The following MEAF6 variants were observed in gnomAD, a reference collection of about 807,000 sequenced individuals.
The protein encoded by MEAF6 is MYST/Esa1 associated factor 6.
A neutral mutation model predicts 28.9 loss-of-function variants in MEAF6; 15 were observed. That is an observed-to-expected ratio of 0.52 (90% CI 0.35 to 0.80). The LOEUF (loss-of-function observed/expected upper bound fraction) is 0.80, where lower values mean the gene tolerates loss of function less well. Among genes scored for constraint, MEAF6 ranks in the 30% least tolerant of loss-of-function variants. The pLI is 0.01. For synonymous variants in MEAF6, 97 were observed against 88.7 expected (o/e 1.09, Z -0.53); for missense variants, 178 against 237.5 (o/e 0.75, Z 1.65).
chr1:37,513,675 T>C (rs1642738431), intron 1 of MEAF6, 137 bp from the exon 2 acceptor site: 1 of 706,164 alleles, frequency 1.4e-6, no homozygotes, highest in Non-Finnish European at 2.5e-6. Flanking sequence ...AGATGGAAGA[T>C]ACGGGGAGGA....
At chr1:37,513,602 A>G (rs544931013) in intron 1 of MEAF6, 64 bp from the exon 2 acceptor site, 6 of 1,285,770 alleles carry the variant, frequency 4.7e-6, no homozygotes, top group Middle Eastern at 1.9e-4. Context: ...AGTCTGGCCA[A>G]AATGAAATCC....
chr1:37,509,236 C>A, intron 4 of MEAF6, 42 bp downstream of exon 4: 1 of 1,569,584 alleles, frequency 6.4e-7, no homozygotes, highest in South Asian at 1.1e-5. Flanking sequence ...GTGATGGTAG[C>A]TTAAAAATAA....
intron 1 of MEAF6, 86 bp from the exon 2 acceptor site, chr1:37,513,624 T>A: frequency 9.2e-7 from 1 of 1,088,314 alleles, no homozygotes; most frequent in Non-Finnish European, 1.4e-6. Flanking sequence ...GATATTAGAC[T>A]CGTAAACGCA....
At chr1:37,495,851 C>G (rs778415355) in intron 6 of MEAF6, 34 bp downstream of exon 6, 1 of 1,611,876 alleles carries the variant, frequency 6.2e-7, no homozygotes, top group East Asian at 2.2e-5. Flanking sequence ...TACAAAATTG[C>G]CAGCCTCTCT....
chr1:37,509,141 C>T, intron 4 of MEAF6, 137 bp downstream of exon 4: 1 of 834,978 alleles, frequency 1.2e-6, no homozygotes, highest in Non-Finnish European at 1.9e-6. Context: ...CTAAAAGTTT[C>T]AAAACTTCCA....
intron 6 of MEAF6, among the ~76,000 whole-genome samples, chr1:37,494,935 A>G (rs1642065850): frequency 6.6e-6 from 1 of 152,138 alleles, no homozygotes; most frequent in Admixed American, 6.6e-5. Context: ...GGATTGAAAC[A>G]TCAATTTTGC....
In MEAF6 at chr1:37,493,652, A is replaced by G. The variant is rs879650934; in HGVS notation, c.*447T>C. 1.9e-4 allele frequency: 165 copies of G among 887,394 alleles called. 3 individuals are homozygous for G. The highest frequency in any genetic ancestry group is 4.4e-4 in the Middle Eastern group (2 of 4,510). The allele number at this position is 887,394 out of a possible 1,614,324, so 55.0% of individuals were successfully genotyped here. On this transcript the variant is annotated 3_prime_UTR_variant, in exon 7 of 7. Coordinates refer to ENST00000296214, the MANE Select transcript of MEAF6 (RefSeq NM_001270875.3). ...ATAAGATAAAAACAACAAGAGAAAA[A>G]CAAGAAAACATAAAACAATATAAGA...
chr1:37,502,392 T>C (rs930585184), intron 4 of MEAF6, among the ~76,000 whole-genome samples: 1 of 152,026 alleles, frequency 6.6e-6, no homozygotes, highest in African/African-American at 2.4e-5. Context: ...CTTAAAAATA[T>C]ATATGTTTAC....
chr1:37,491,005 C>T lies in MEAF6; in HGVS notation c.*3094G>A, dbSNP rs12118749. Among the ~76,000 whole-genome samples the T allele has an allele frequency of 1.3e-5, 2 of 151,942 alleles. No homozygotes were observed. Among genetic ancestry groups the T allele is most frequent in the East Asian group, 1.9e-4 (1 of 5,158 alleles). ...TTGTGCCACTGCACTCCAGCCTGGA[C>T]GACAGAGCAAGACTCTGTCTCAAAA... On this transcript the variant is annotated 3_prime_UTR_variant, in exon 7 of 7. Transcript: ENST00000296214.
At chr1:37,510,238 C>G (rs1319541048) in intron 2 of MEAF6, among the ~76,000 whole-genome samples, 2 of 151,618 alleles carry the variant, frequency 1.3e-5, no homozygotes, top group African/African-American at 4.8e-5. Flanking sequence ...CCACCACACC[C>G]AGCTAATTCT....
Position 37,491,164 on chromosome 1 carries a change from T to C in MEAF6, c.*2935A>G, listed in dbSNP as rs1445688378. Among the ~76,000 whole-genome samples the C allele has an allele frequency of 1.3e-5, 2 of 152,230 alleles. No individual in the cohort carries two copies. The highest frequency in any genetic ancestry group is 2.9e-5 in the Non-Finnish European group (2 of 68,040). ...TTAACTTTCAAGCTTAGACTATTTA[T>C]CGCTCATTTTAATTATCTTCTTTAC... On this transcript the variant is annotated 3_prime_UTR_variant, in exon 7 of 7. Coordinates refer to ENST00000296214, the MANE Select transcript of MEAF6 (RefSeq NM_001270875.3).
chr1:37,498,107 G>A (rs1334625901), intron 5 of MEAF6, among the ~76,000 whole-genome samples: 1 of 152,156 alleles, frequency 6.6e-6, no homozygotes, highest in Non-Finnish European at 1.5e-5. Context: ...ATAAGCAAAT[G>A]GCTACATTTA....
chr1:37,504,074 T>C (rs1642399975), intron 4 of MEAF6, among the ~76,000 whole-genome samples: 1 of 152,192 alleles, frequency 6.6e-6, no homozygotes, highest in Admixed American at 6.5e-5. Flanking sequence ...GACTGGATCA[T>C]GGGGGTGGTT....
At chr1:37,503,126 G>A (rs1642368919) in intron 4 of MEAF6, among the ~76,000 whole-genome samples, 1 of 151,546 alleles carries the variant, frequency 6.6e-6, no homozygotes, top group East Asian at 1.9e-4. Flanking sequence ...TTTTAAAGAT[G>A]GGGTCTTACT....
chr1:37,503,524 C>T (rs965597374), intron 4 of MEAF6, among the ~76,000 whole-genome samples: 1 of 151,950 alleles, frequency 6.6e-6, no homozygotes, highest in Non-Finnish European at 1.5e-5. Context: ...GACATGGTGG[C>T]ACATGCCTGG....
chr1:37,496,504 G>T, intron 5 of MEAF6: 1 of 1,044,084 alleles, frequency 9.6e-7, no homozygotes, highest in Non-Finnish European at 1.3e-6. Flanking sequence ...GCATAAAAGT[G>T]AAGTTTACTT....
chr1:37,498,253 T>C (rs1642183613), intron 5 of MEAF6, among the ~76,000 whole-genome samples: 1 of 152,132 alleles, frequency 6.6e-6, no homozygotes, highest in Non-Finnish European at 1.5e-5. Context: ...ATACAGTAGG[T>C]GTATGAAACT....
In MEAF6 at chr1:37,514,753, C is replaced by G; in HGVS notation, c.-7G>C. Reference sequence around the variant, plus strand: ...CCTTGTTGTGCATCGCCATGTTGGGCTGAGGCGGGCGGCGGCGGCGCGAGG... The same window carrying G: ...CCTTGTTGTGCATCGCCATGTTGGGGTGAGGCGGGCGGCGGCGGCGCGAGG... On this transcript the variant is annotated 5_prime_UTR_variant, in exon 1 of 7. Transcript: ENST00000296214. 6.9e-7 allele frequency: 1 copy of G among 1,455,046 alleles called. No individual in the cohort carries two copies. Among genetic ancestry groups the G allele is most frequent in the Admixed American group, 2.2e-5 (1 of 44,750 alleles). The allele number at this position is 1,455,046 out of a possible 1,614,324, so 90.1% of individuals were successfully genotyped here.
At chr1:37,512,374 A>C (rs1642696954) in intron 2 of MEAF6, among the ~76,000 whole-genome samples, 1 of 152,232 alleles carries the variant, frequency 6.6e-6, no homozygotes, top group African/African-American at 2.4e-5. Context: ...TGAAATGTAA[A>C]TATAGATGTG....
Sources: gnomAD v4.1 joint callset for allele counts (sites outside exome capture counted in the v4.1 genomes callset) on GRCh38, gnomAD v4.1.1 for gene constraint, MANE v1.5 for transcripts, NCBI Gene and HGNC (gene_info 2026-07-23, HGNC 2026-07-21) for gene names.